Variants in CEP128 observed in about 807,000 individuals in gnomAD.
CEP128 encodes the protein centrosomal protein 128kDa.
A neutral mutation model predicts 156.7 loss-of-function variants in CEP128; 132 were observed. That is an observed-to-expected ratio of 0.84 (90% CI 0.73 to 0.97). CEP128 has a LOEUF of 0.97. Among genes scored for constraint, CEP128 ranks in the 50% least tolerant of loss-of-function variants. The pLI is 0.00. For synonymous variants in CEP128, 469 were observed against 448.9 expected, an observed-to-expected ratio of 1.04 and a Z score of -0.57; for missense variants, 1,252 against 1,281.9, an observed-to-expected ratio of 0.98 and a Z score of 0.36.
At chr14:80,577,507 C>T (rs1479082705) in intron 20 of CEP128, among the ~76,000 whole-genome samples, 3 of 152,086 alleles carry the variant, frequency 2.0e-5, no homozygotes, top group Non-Finnish European at 4.4e-5. Context: ...TCCTAACAAC[C>T]AATCTCAAAG....
chr14:80,487,658 G>C (rs1887199017), downstream of CEP128, among the ~76,000 whole-genome samples: 1 of 152,166 alleles, frequency 6.6e-6, no homozygotes, highest in Non-Finnish European at 1.5e-5. Context: ...TAAAAGAACA[G>C]AAATTACAAC....
rs1566739894 is a variant in CEP128 at position 80,497,467 on chromosome 14, ACATTTGCTTTTTTAGC to A, written c.3281_*11del. The A allele has an allele frequency of 7.8e-6, 12 of 1,537,594 alleles. No homozygotes were observed. Among genetic ancestry groups the A allele is most frequent in the Non-Finnish European group, 9.9e-6 (11 of 1,113,688 alleles). On this transcript the variant is annotated stop_lost and 3_prime_UTR_variant, in exon 25 of 25. Transcript: ENST00000555265. ...ACATACTCATGTAAAATAACAAATT[ACATTTGCTTTTTTAGC>A]TCCCATATTCCTCTTTTTTGGGTTG...
intron 22 of CEP128, among the ~76,000 whole-genome samples, chr14:80,530,569 C>A (rs980445962): frequency 6.6e-6 from 1 of 152,170 alleles, no homozygotes; most frequent in African/African-American, 2.4e-5. Flanking sequence ...AGGGGCCCAA[C>A]TGAGCTTCTA....
chr14:80,536,397 T>A (rs1889486898), intron 21 of CEP128, among the ~76,000 whole-genome samples: 2 of 152,212 alleles, frequency 1.3e-5, no homozygotes, highest in Non-Finnish European at 2.9e-5. Context: ...TTAAAGGAGA[T>A]GATATCTACA....
At chr14:80,817,856 G>A (rs1884953811) in intron 13 of CEP128, among the ~76,000 whole-genome samples, 1 of 151,144 alleles carries the variant, frequency 6.6e-6, no homozygotes, top group Admixed American at 6.6e-5. Context: ...ACTCCAGCCT[G>A]GTGACAGAGA....
chr14:80,679,809 A>G (rs1896241931), intron 19 of CEP128, among the ~76,000 whole-genome samples: 1 of 152,160 alleles, frequency 6.6e-6, no homozygotes, highest in Non-Finnish European at 1.5e-5. Context: ...GTCCTTAATA[A>G]AAACCTGCTG....
chr14:80,619,909 G>A (rs1476467485), intron 19 of CEP128, among the ~76,000 whole-genome samples: 1 of 151,908 alleles, frequency 6.6e-6, no homozygotes, highest in Non-Finnish European at 1.5e-5. Context: ...TGGATCACCT[G>A]AGGTCAGGAG....
chr14:80,558,753 A>T (rs569838835), intron 21 of CEP128, among the ~76,000 whole-genome samples: 355 of 152,314 alleles, frequency 2.3e-3, no homozygotes, highest in African/African-American at 7.6e-3. Context: ...TATTGTATGC[A>T]TGTAGTCTTG....
chr14:80,843,392 T>G (rs548963016), intron 9 of CEP128, among the ~76,000 whole-genome samples: 1 of 152,196 alleles, frequency 6.6e-6, no homozygotes, highest in Admixed American at 6.5e-5. Context: ...TGCACACCTT[T>G]GGTCACAAGG....
intron 17 of CEP128, among the ~76,000 whole-genome samples, chr14:80,758,784 A>C (rs1899806919): frequency 6.6e-6 from 1 of 152,246 alleles, no homozygotes; most frequent in Non-Finnish European, 1.5e-5. Flanking sequence ...CACTAAGCGC[A>C]AGATATTTGA....
At position 80,883,253 on chromosome 14, in the gene CEP128, G is replaced by GA. The variant is rs201531644; in HGVS notation, c.645+12464dup. Among the ~76,000 whole-genome samples, 1,299 of 151,560 alleles carry GA rather than the reference G, an allele frequency of 8.6e-3. 16 individuals carry two copies. The highest frequency in any genetic ancestry group is 0.01 in the Non-Finnish European group (685 of 67,778). On this transcript the variant is annotated intron_variant, in intron 8 of 24. Transcript: ENST00000555265. Reference sequence around the variant, plus strand: ...ATAAAGGCTGAATCTTTGAGAGTGGGAAAAAACAAAATAAAGGGCATCCAA... The same window carrying GA: ...ATAAAGGCTGAATCTTTGAGAGTGGGAAAAAAACAAAATAAAGGGCATCCAA...
At chr14:80,678,932 G>A (rs1896200958) in intron 19 of CEP128, among the ~76,000 whole-genome samples, 2 of 152,146 alleles carry the variant, frequency 1.3e-5, no homozygotes, top group African/African-American at 4.8e-5. Flanking sequence ...ACATATATCA[G>A]TTCCCAAAAT....
intron 19 of CEP128, among the ~76,000 whole-genome samples, chr14:80,685,065 C>A (rs1003320237): frequency 2.0e-5 from 3 of 152,040 alleles, no homozygotes; most frequent in African/African-American, 7.2e-5. Context: ...TCTCACCACT[C>A]CTATTCAACA....
At chr14:80,932,277 A>G (rs1357776328) in intron 2 of CEP128, among the ~76,000 whole-genome samples, 2 of 152,348 alleles carry the variant, frequency 1.3e-5, no homozygotes, top group Admixed American at 1.3e-4. Context: ...GAATGGACCA[A>G]CATACTTCTC....
In CEP128 at chr14:80,559,300, G is replaced by A. The variant is rs773098086; in HGVS notation, c.2859C>T (p.Asp953=). 7.5e-6 allele frequency: 12 copies of A among 1,598,560 alleles called. No individual in the cohort carries two copies. In the South Asian group the frequency reaches 1.4e-4, roughly 18 times the overall value. ...RKDEEMGSLQ[D]RVIALETSTQ... is the part of the protein sequence containing the mutation. Reference sequence around the variant, plus strand: ...TTACCGTTTCTAATGCAATTACACGGTCCTGCAAAGAAAGCATAATATATA... The same window carrying A: ...TTACCGTTTCTAATGCAATTACACGATCCTGCAAAGAAAGCATAATATATA... Residue 953 remains aspartate (D), a splice_region_variant and synonymous_variant, in exon 21 of 25, where the codon GAC becomes GAT. Coordinates refer to ENST00000555265, the MANE Select transcript of CEP128 (RefSeq NM_152446.5).
intron 19 of CEP128, among the ~76,000 whole-genome samples, chr14:80,701,832 A>T (rs181888352): frequency 1.1e-4 from 17 of 152,270 alleles, no homozygotes; most frequent in Admixed American, 3.9e-4. Context: ...TGTTCCAGCC[A>T]CACTGGCTTC....
intron 19 of CEP128, among the ~76,000 whole-genome samples, chr14:80,612,667 A>C (rs941667995): frequency 6.6e-6 from 1 of 152,212 alleles, no homozygotes; most frequent in African/African-American, 2.4e-5. Context: ...TGAAGAGGGA[A>C]AATAGAGTTA....
chr14:80,650,088 T>C (rs958217503), intron 19 of CEP128, among the ~76,000 whole-genome samples: 3 of 152,198 alleles, frequency 2.0e-5, no homozygotes, highest in African/African-American at 7.2e-5. Context: ...CTCTCTTATT[T>C]CCTTGAGCTG....
intron 19 of CEP128, among the ~76,000 whole-genome samples, chr14:80,644,728 C>G (rs1235004163): frequency 2.0e-5 from 3 of 152,008 alleles, no homozygotes; most frequent in Non-Finnish European, 4.4e-5. Flanking sequence ...CTCTATATTT[C>G]TATAAAATTA....
Sources: allele counts gnomAD v4.1 joint callset (sites outside exome capture counted in the v4.1 genomes callset), GRCh38; gene constraint gnomAD v4.1.1; transcripts MANE v1.5; gene names NCBI Gene and HGNC (gene_info 2026-07-23, HGNC 2026-07-21).